Variants in STRC observed in about 807,000 individuals in gnomAD.
The protein encoded by STRC is stereocilin.
Under a neutral mutation model 103.5 loss-of-function variants are expected in STRC, and 43 were observed. That is an observed-to-expected ratio of 0.42 (90% CI 0.33 to 0.54). The LOEUF (loss-of-function observed/expected upper bound fraction) is 0.54. Among genes scored for constraint, STRC ranks in the 20% least tolerant of loss-of-function variants. STRC has a pLI of 0.14. For missense variants in STRC, 499 were observed against 1,088.5 expected (o/e 0.46, Z 7.62); for synonymous variants, 186 against 442.3 (o/e 0.42, Z 7.27).
chr15:43,605,368 A>G lies in STRC; in HGVS notation c.3826T>C (p.Ser1276Pro), dbSNP rs1486029210. ...IQLMDRLSNE[S>P]IMLVVELVQR... is the part of the protein sequence containing the mutation. ...ACCAGCTCCACCACCAACATAATGG[A>G]TTCATTGGATAGTCTGTCCATCAAC... is the stretch of plus-strand genomic sequence containing the variant. Residue 1276 changes from serine to proline, a missense_variant, in exon 19 of 29, where the codon TCC becomes CCC. Ser to Pro is a moderately conservative substitution (Grantham distance 74). Transcript: ENST00000450892. 1.2e-6 allele frequency: 2 copies of G among 1,600,090 alleles called. No homozygotes were observed. Among genetic ancestry groups the G allele is most frequent in the Admixed American group, 1.7e-5 (1 of 58,364 alleles).
intron 26 of STRC, 77 bp downstream of exon 26, chr15:43,600,457 C>T: frequency 8.8e-6 from 14 of 1,598,208 alleles, no homozygotes; most frequent in Non-Finnish European, 1.1e-5. Context: ...TTAAGAATTG[C>T]AGGGCAGTCT....
intron 13 of STRC, 81 bp downstream of exon 13, chr15:43,611,067 T>G: frequency 1.3e-6 from 2 of 1,591,438 alleles, no homozygotes; most frequent in Non-Finnish European, 1.7e-6. Context: ...AGGCCTTCCC[T>G]GGCCTCAGGG....
chr15:43,603,459 G>A (rs778769569), intron 22 of STRC, 48 bp from the exon 23 acceptor site: 4 of 1,582,236 alleles, frequency 2.5e-6, no homozygotes, highest in African/African-American at 2.7e-5. Flanking sequence ...AATAAAATAT[G>A]CCCAGAGAGA....
chr15:43,610,872 T>C (rs1159577551), intron 14 of STRC, 47 bp downstream of exon 14: 1 of 1,606,436 alleles, frequency 6.2e-7, no homozygotes, highest in Non-Finnish European at 8.5e-7. Context: ...CATATGAAAC[T>C]GCCCCAGAAT....
Position 43,599,722 on chromosome 15 carries a change from G to C in STRC, c.5278C>G (p.Pro1760Ala). 6.2e-6 allele frequency: 3 copies of C among 484,596 alleles called. No individual in the cohort carries two copies. The highest frequency in any genetic ancestry group is 1.0e-5 in the Non-Finnish European group (3 of 285,854). The allele number at this position is 484,596 out of a possible 1,614,324, so 30.0% of individuals were successfully genotyped here. ...ATAGTCAATACCAGGGACCAGGAAG[G>C]TCGTGACCAGTCCTGGAGGCCCCAG... Reference protein sequence around the residue: ...TAWGLQDWSRPSWSLVLTISF... With the variant: ...TAWGLQDWSRASWSLVLTISF... Residue 1760 changes from proline to alanine, a missense_variant, in exon 29 of 29, where the codon CCT becomes GCT. Coordinates refer to ENST00000450892, the MANE Select transcript of STRC (RefSeq NM_153700.2).
intron 23 of STRC, 130 bp downstream of exon 23, chr15:43,603,112 A>C (rs1458553080): frequency 2.0e-6 from 2 of 985,790 alleles, no homozygotes; most frequent in Non-Finnish European, 3.1e-6. Flanking sequence ...CCTACTTGTG[A>C]CCCAAATCTT....
chr15:43,601,687 T>G, intron 23 of STRC, 136 bp from the exon 24 acceptor site: 1 of 898,390 alleles, frequency 1.1e-6, no homozygotes, highest in Middle Eastern at 2.4e-4. Flanking sequence ...TTTCCTCCAC[T>G]ATAAAATGAG....
At chr15:43,609,239 G>A in intron 16 of STRC, 37 bp downstream of exon 16, 1 of 1,604,586 alleles carries the variant, frequency 6.2e-7, no homozygotes, top group Non-Finnish European at 8.5e-7. Flanking sequence ...AAAAATGTTG[G>A]TCGAATTCAG....
rs1173410007 is a variant in STRC, at chr15:43,604,028, C to T, written c.4343G>A (p.Gly1448Glu). 3 of 1,613,146 alleles carry T rather than the reference C, an allele frequency of 1.9e-6. No homozygotes were observed. Among genetic ancestry groups the T allele is most frequent in the Non-Finnish European group, 1.7e-6 (2 of 1,179,658 alleles). The change falls in exon 22 of 29, where the codon GGG (glycine) becomes GAG (glutamate). Residue 1448 changes from glycine to glutamate, a missense_variant. Physicochemically the swap from Gly to Glu is moderately conservative, Grantham distance 98 (BLOSUM62 -2). Transcript: ENST00000450892. Reference sequence around the variant, plus strand: ...ATCCTCAGCAGCTGGTCGCACCACCCCTGCTACCAGGGCTGCTTTCTTGGC... The same window carrying T: ...ATCCTCAGCAGCTGGTCGCACCACCTCTGCTACCAGGGCTGCTTTCTTGGC... ...LAAKKAALVA[G>E]VVRPAAEDLP...
Position 43,614,320 on chromosome 15 carries a change from TAGG to T in STRC, c.2197-11_2197-9del. On this transcript the variant is annotated splice_polypyrimidine_tract_variant and intron_variant, in intron 5 of 28. Transcript: ENST00000450892. ...GGGCATATGCAGGTACGCCTGCGAA[TAGG>T]AGGTCATGGTGGGTATGGCCTCACC... is the stretch of plus-strand genomic sequence containing the variant. 2.7e-6 allele frequency: 1 copy of T among 375,034 alleles called. No individual in the cohort carries two copies. Among genetic ancestry groups the T allele is most frequent in the Non-Finnish European group, 4.5e-6 (1 of 222,444 alleles). The allele number at this position is 375,034 out of a possible 1,614,324, so 23.2% of individuals were successfully genotyped here.
intron 24 of STRC, 145 bp from the exon 25 acceptor site, chr15:43,601,159 A>G (rs2614845): frequency 1.2e-6 from 1 of 848,624 alleles, no homozygotes. Flanking sequence ...AGAAAAGAAA[A>G]GGAAAGAAAA....
chr15:43,603,956 GTA>G (rs1567117414), intron 22 of STRC, 38 bp downstream of exon 22: 1 of 1,611,886 alleles, frequency 6.2e-7, no homozygotes, highest in African/African-American at 1.3e-5. Flanking sequence ...GATACTCCCT[GTA>G]CATCCTGCTG....
rs786200883 is a variant in STRC at position 43,614,435 on chromosome 15, CCAAA to C, written c.2171_2174del (p.Val724GlyfsTer6). On this transcript the variant is annotated frameshift_variant, in exon 5 of 29. Transcript: ENST00000450892. LOFTEE classifies it high-confidence loss of function. The stretch of plus-strand genomic sequence containing the variant: ...TTACCTGCACTAGAATCTGCAGGGC[CCAAA>C]CACTCTTTTCCCTCTGGAGCAGATC... 7.9e-5 allele frequency: 50 copies of C among 636,356 alleles called. 3 individuals are homozygous for C. The highest frequency in any genetic ancestry group is 9.4e-5 in the Non-Finnish European group (39 of 414,804). 39.4% of individuals were successfully genotyped at this position (636,356 alleles called of 1,614,324 possible).
In STRC at chr15:43,603,205, C is replaced by T. The variant is rs1448018508; in HGVS notation, c.4545+37G>A. 5 of 1,609,050 alleles carry T rather than the reference C, an allele frequency of 3.1e-6. No homozygotes were observed. The South Asian group carries it at 3.3e-5, about 11-fold the overall frequency. On this transcript the variant is annotated intron_variant, in intron 23 of 28. Transcript: ENST00000450892. ...GTCCTACATCACACCCAAATAGCTT[C>T]CTCATGGCCAACCCCAGTTGGCTCT...
rs749358024 is a variant in STRC at position 43,601,535 on chromosome 15, C to CG, written c.4561dup (p.Arg1521ProfsTer6). 8.7e-6 allele frequency: 14 copies of CG among 1,613,580 alleles called. No individual in the cohort carries two copies. The highest frequency in any genetic ancestry group is 1.1e-5 in the Non-Finnish European group (13 of 1,179,778). On this transcript the variant is annotated frameshift_variant, in exon 24 of 29. Coordinates refer to ENST00000450892, the MANE Select transcript of STRC (RefSeq NM_153700.2). LOFTEE classifies it high-confidence loss of function. ...CAGGATCTGCTCAGGACGAAATCCC[C>CG]GGGGGGGACCCCACAACTAGGAGAA...
intron 18 of STRC, among the ~76,000 whole-genome samples, chr15:43,606,603 A>C (rs1324764213): frequency 1.6e-4 from 23 of 141,644 alleles, no homozygotes; most frequent in African/African-American, 5.5e-4. Flanking sequence ...CTGTCTCAAA[A>C]ATATAAATAA....
chr15:43,603,425 G>C lies in STRC; in HGVS notation c.4376-14C>G. On this transcript the variant is annotated splice_polypyrimidine_tract_variant and intron_variant, in intron 22 of 28. Coordinates refer to ENST00000450892, the MANE Select transcript of STRC (RefSeq NM_153700.2). ...TTGGCACAGGTTCTGAAGGGGGAAGGCAGGGCCAGGAGGTCAGCGCAGTAA... is the reference window on the plus strand; with the variant it reads ...TTGGCACAGGTTCTGAAGGGGGAAGCCAGGGCCAGGAGGTCAGCGCAGTAA... 1.9e-6 allele frequency: 3 copies of C among 1,612,102 alleles called. No individual in the cohort carries two copies. Among genetic ancestry groups the C allele is most frequent in the Non-Finnish European group, 2.5e-6 (3 of 1,179,516 alleles).
Position 43,601,488 on chromosome 15 carries a change from C to T in STRC, c.4609G>A (p.Gly1537Ser), listed in dbSNP as rs1452965605. 1.2e-6 allele frequency: 2 copies of T among 1,613,680 alleles called. No individual in the cohort carries two copies. The highest frequency in any genetic ancestry group is 2.7e-5 in the African/African-American group (2 of 74,836). The change falls in exon 24 of 29, where the codon GGT becomes AGT. Residue 1537 changes from glycine to serine, a missense_variant. Coordinates refer to ENST00000450892, the MANE Select transcript of STRC (RefSeq NM_153700.2). Reference sequence around the variant, plus strand: ...TCCTGTAGTTCCCGATCTCCTAGACCTATTAAGAGCCTACCAAGCTGCAGG... The same window carrying T: ...TCCTGTAGTTCCCGATCTCCTAGACTTATTAAGAGCCTACCAAGCTGCAGG... ...QILQLGRLLI[G>S]LGDRELQELI...
Position 43,601,469 on chromosome 15 carries a change from A to G in STRC, c.4628T>C (p.Leu1543Pro). 1 of 1,613,758 alleles carries G rather than the reference A, an allele frequency of 6.2e-7. No homozygotes were observed. Among genetic ancestry groups the G allele is most frequent in the Non-Finnish European group, 8.5e-7 (1 of 1,179,838 alleles). ...CCAGTCCACTAGGATCAGCTCCTGT[A>G]GTTCCCGATCTCCTAGACCTATTAA... ...RLLIGLGDRE[L>P]QELILVDWGV... The change falls in exon 24 of 29, where the codon CTA (leucine) becomes CCA (proline). Residue 1543 changes from leucine to proline, a missense_variant. Transcript: ENST00000450892.
Sources: allele counts gnomAD v4.1 joint callset (sites outside exome capture counted in the v4.1 genomes callset), GRCh38; gene constraint gnomAD v4.1.1; transcripts MANE v1.5; gene names NCBI Gene and HGNC (gene_info 2026-07-23, HGNC 2026-07-21).